Variants in LRP2 observed in about 807,000 individuals in gnomAD.
The protein encoded by LRP2 is low-density lipoprotein receptor-related protein 2.
LRP2 carries 172 observed loss-of-function variants against 531.0 expected under a neutral mutation model. That is an observed-to-expected ratio of 0.32 (90% CI 0.29 to 0.37). The LOEUF is 0.37. Ranked by LOEUF, LRP2 falls within the 10% of genes least tolerant of loss-of-function variation. The pLI is 1.00. For synonymous variants in LRP2, 1,992 were observed against 2,027.6 expected (o/e 0.98, Z 0.47); for missense variants, 5,167 against 5,868.3 (o/e 0.88, Z 3.90).
rs552743498 is a variant in LRP2 at position 169,256,703 on chromosome 2, T to C, written c.2639+421A>G. Among the ~76,000 whole-genome samples, 112 of 152,238 alleles carry C rather than the reference T, an allele frequency of 7.4e-4. 1 individual carries two copies. The highest frequency in any genetic ancestry group is 1.9e-3 in the South Asian group (9 of 4,832). ...ACTTTTAAAGTCCTCCCAAAGTGCA[T>C]GTAAGCAAAGGTGCATTTGTTGATT... On this transcript the variant is annotated intron_variant, in intron 18 of 78. Coordinates refer to ENST00000649046, the MANE Select transcript of LRP2 (RefSeq NM_004525.3).
At position 169,264,160 on chromosome 2, in the gene LRP2, G is replaced by T. The variant is rs531001768; in HGVS notation, c.2321-4943C>A. On this transcript the variant is annotated intron_variant, in intron 16 of 78. Coordinates refer to ENST00000649046, the MANE Select transcript of LRP2 (RefSeq NM_004525.3). ...ACTAATGCTAGATGACGAGTTAGTGGGTGCAGCGCACCAGCATGGCACATG... is the reference window on the plus strand; with the variant it reads ...ACTAATGCTAGATGACGAGTTAGTGTGTGCAGCGCACCAGCATGGCACATG... Among the ~76,000 whole-genome samples, 85 of 152,000 alleles carry T rather than the reference G, an allele frequency of 5.6e-4. 2 individuals carry two copies. The highest frequency in any genetic ancestry group is 2.0e-3 in the African/African-American group (83 of 41,446).
intron 34 of LRP2, 145 bp from the exon 35 acceptor site, chr2:169,216,575 C>T (rs537837418): frequency 1.2e-5 from 9 of 754,516 alleles, no homozygotes; most frequent in Middle Eastern, 2.4e-4. Context: ...TTGCATACAA[C>T]GTGGAGGGGT....
chr2:169,294,142 C>T lies in LRP2; in HGVS notation c.652+6G>A. The stretch of plus-strand genomic sequence containing the variant: ...AACATGACCCAGCATAAAGAAATCA[C>T]CGTACTGCAAGCATGTTCGTCACTG... On this transcript the variant is annotated splice_donor_region_variant and intron_variant, in intron 6 of 78. Transcript: ENST00000649046. 1.3e-6 allele frequency: 2 copies of T among 1,590,708 alleles called. No homozygotes were observed. Among genetic ancestry groups the T allele is most frequent in the South Asian group, 1.1e-5 (1 of 90,566 alleles).
At chr2:169,182,095 G>A in intron 51 of LRP2, 72 bp downstream of exon 51, 2 of 1,587,928 alleles carry the variant, frequency 1.3e-6, no homozygotes, top group Middle Eastern at 2.0e-4. Context: ...ATAGTTACAT[G>A]AACAGCCTTC....
Position 169,275,142 on chromosome 2 carries a change from G to A in LRP2, c.1869C>T (p.Ala623=), listed in dbSNP as rs148468966. 5.0e-4 allele frequency: 813 copies of A among 1,613,692 alleles called. 3 individuals are homozygous for A. The African/African-American group carries it at 9.1e-3, about 18-fold the overall frequency. ...CTGTGAACTTGTTTGCCTTCAGCAC[G>A]GCCATCTTTGTCCAATCTGTAAAGA... ...QVFFTDWTKM[A]VLKANKFTET... Residue 623 remains alanine (A), a synonymous_variant, in exon 14 of 79, where the codon GCC becomes GCT. Coordinates refer to ENST00000649046, the MANE Select transcript of LRP2 (RefSeq NM_004525.3).
In LRP2 at chr2:169,318,871, G is replaced by A; in HGVS notation, c.201C>T (p.Cys67=). 1.2e-6 allele frequency: 2 copies of A among 1,614,082 alleles called. No individual in the cohort carries two copies. The highest frequency in any genetic ancestry group is 1.7e-6 in the Non-Finnish European group (2 of 1,179,988). ...TCTGGCACTTGAAATAGCCCTGCTG[G>A]CAGGTCACAACAGCTAAAACAAACC... ...ADEIGCAVVT[C]QQGYFKCQSE... The change falls in exon 3 of 79, where the codon TGC becomes TGT. Residue 67 remains cysteine (C), a synonymous_variant. Transcript: ENST00000649046.
At chr2:169,167,179 T>G (rs1487357912) in intron 61 of LRP2, among the ~76,000 whole-genome samples, 1 of 152,194 alleles carries the variant, frequency 6.6e-6, no homozygotes, top group African/African-American at 2.4e-5. Context: ...AAGTTAAACA[T>G]GTCTAAGATG....
At chr2:169,237,762 G>C (rs1689658219) in intron 27 of LRP2, among the ~76,000 whole-genome samples, 2 of 152,134 alleles carry the variant, frequency 1.3e-5, no homozygotes, top group Admixed American at 6.5e-5. Flanking sequence ...TTAAAGCTAA[G>C]AAAAGCAACC....
chr2:169,281,217 T>C (rs184829029), intron 10 of LRP2, among the ~76,000 whole-genome samples: 2 of 151,182 alleles, frequency 1.3e-5, no homozygotes, highest in African/African-American at 4.9e-5. Flanking sequence ...AAGTCAGGAG[T>C]TCGAGATCAG....
chr2:169,327,665 C>T (rs1386074267), intron 1 of LRP2, among the ~76,000 whole-genome samples: 2 of 1,200 alleles, frequency 1.7e-3, no homozygotes, highest in African/African-American at 7.0e-3. Flanking sequence ...AGGTGGGGGG[C>T]TCAGCCCCCT....
chr2:169,283,388 T>G (rs1175934618), intron 9 of LRP2, among the ~76,000 whole-genome samples: 1 of 152,224 alleles, frequency 6.6e-6, no homozygotes, highest in Admixed American at 6.5e-5. Flanking sequence ...AAATGTATCT[T>G]TAGATTAATT....
chr2:169,180,329 C>T (rs1197534108), intron 52 of LRP2, among the ~76,000 whole-genome samples: 2 of 152,200 alleles, frequency 1.3e-5, no homozygotes, highest in African/African-American at 4.8e-5. Flanking sequence ...ATCAGCATAT[C>T]ACATCAAAAT....
intron 11 of LRP2, 54 bp from the exon 12 acceptor site, chr2:169,279,649 T>A (rs1170061280): frequency 8.8e-7 from 1 of 1,134,506 alleles, no homozygotes; most frequent in African/African-American, 1.5e-5. Context: ...ACTACGTGGT[T>A]TGTTTTGATT....
chr2:169,137,288 T>A (rs1250354871), intron 76 of LRP2, 104 bp downstream of exon 76: 1 of 876,496 alleles, frequency 1.1e-6, no homozygotes, highest in Non-Finnish European at 2.0e-6. Flanking sequence ...TCACTATGCT[T>A]CCTTCCCTTT....
In LRP2 at chr2:169,206,784, T is replaced by A; in HGVS notation, c.6936A>T (p.Pro2312=). Reference sequence around the variant, plus strand: ...TGATATTGTCTCTTATCACTGTGGGTGGCTCTGTGTTCTCTGGTTCCTTGC... The same window carrying A: ...TGATATTGTCTCTTATCACTGTGGGAGGCTCTGTGTTCTCTGGTTCCTTGC... ...QASKEPENTE[P]PTVIRDNINW... Residue 2312 remains proline, a synonymous_variant, in exon 39 of 79, where the codon CCA becomes CCT. Coordinates refer to ENST00000649046, the MANE Select transcript of LRP2 (RefSeq NM_004525.3). The A allele has an allele frequency of 6.2e-7, 1 of 1,614,184 alleles. No individual in the cohort carries two copies.
At chr2:169,300,482 T>G (rs1684260590) in intron 4 of LRP2, among the ~76,000 whole-genome samples, 1 of 151,980 alleles carries the variant, frequency 6.6e-6, no homozygotes, top group South Asian at 2.1e-4. Context: ...AAAAAAAATT[T>G]TTTTAAAGAA....
At position 169,173,168 on chromosome 2, in the gene LRP2, G is replaced by A. The variant is rs777854496; in HGVS notation, c.11071C>T (p.Arg3691Cys). 1.5e-5 allele frequency: 25 copies of A among 1,614,038 alleles called. No individual in the cohort carries two copies. The highest frequency in any genetic ancestry group is 4.0e-5 in the African/African-American group (3 of 74,896). Residue 3691 changes from arginine to cysteine, a missense_variant, in exon 57 of 79, where the codon CGC (arginine) becomes TGC (cysteine). Coordinates refer to ENST00000649046, the MANE Select transcript of LRP2 (RefSeq NM_004525.3). ...CACACGGCCCACTTTGGGATGCAGC[G>A]GTAATTTGTTTTGCAGCTGAATTCT... ...FTEFSCKTNYRCIPKWAVCNG... is the reference protein window; with the variant it reads ...FTEFSCKTNYCCIPKWAVCNG...
At chr2:169,163,538 C>T (rs1374393581) in intron 62 of LRP2, among the ~76,000 whole-genome samples, 1 of 152,076 alleles carries the variant, frequency 6.6e-6, no homozygotes, top group African/African-American at 2.4e-5. Flanking sequence ...AGACAGAACT[C>T]TATGAAGGAA....
intron 70 of LRP2, among the ~76,000 whole-genome samples, chr2:169,144,786 C>T (rs1458131070): frequency 6.6e-6 from 1 of 152,126 alleles, no homozygotes; most frequent in African/African-American, 2.4e-5. Flanking sequence ...TATCAGCAGA[C>T]TCAAGACAAC....
Sources: allele counts gnomAD v4.1 joint callset (sites outside exome capture counted in the v4.1 genomes callset), GRCh38; gene constraint gnomAD v4.1.1; transcripts MANE v1.5; gene names NCBI Gene and HGNC (gene_info 2026-07-23, HGNC 2026-07-21).